The following FAM174B variants were observed in gnomAD, a reference collection of about 807,000 sequenced individuals.
The protein encoded by FAM174B is membrane protein FAM174B.
A neutral mutation model predicts 10.9 loss-of-function variants in FAM174B; 12 were observed. That is an observed-to-expected ratio of 1.10 (90% CI 0.71 to 1.79). The LOEUF (loss-of-function observed/expected upper bound fraction) is 1.79, where lower values mean the gene tolerates loss of function less well. Among genes scored for constraint, FAM174B ranks in the 40% most tolerant of loss-of-function variants. The pLI is 0.00. For missense variants in FAM174B, 266 were observed against 233.3 expected (o/e 1.14, Z -0.91); for synonymous variants, 132 against 115.8 (o/e 1.14, Z -0.90).
At chr15:92,636,929 C>T (rs1272436612) in intron 1 of FAM174B, among the ~76,000 whole-genome samples, 1 of 152,250 alleles carries the variant, frequency 6.6e-6, no homozygotes, top group Non-Finnish European at 1.5e-5. Flanking sequence ...TCATATTCCA[C>T]ACTAATCTGG....
intron 1 of FAM174B, among the ~76,000 whole-genome samples, chr15:92,643,962 G>C (rs1306018036): frequency 6.6e-6 from 1 of 152,182 alleles, no homozygotes; most frequent in Non-Finnish European, 1.5e-5. Context: ...GTAGACAGGA[G>C]GACTAGCAGG....
At chr15:92,655,181 A>G in intron 1 of FAM174B, 135 bp downstream of exon 1, 1 of 1,260,938 alleles carries the variant, frequency 7.9e-7, no homozygotes, top group East Asian at 3.1e-5. Flanking sequence ...TCTCCCGGGC[A>G]GGGCAGGAGG....
At chr15:92,631,776 G>A (rs1377863325) in intron 1 of FAM174B, among the ~76,000 whole-genome samples, 22 of 151,692 alleles carry the variant, frequency 1.5e-4, no homozygotes, top group Admixed American at 9.9e-4. Flanking sequence ...GATCACAGGC[G>A]TTAGCCATTG....
At chr15:92,622,665 G>A (rs1402997450) in intron 2 of FAM174B, among the ~76,000 whole-genome samples, 6 of 152,230 alleles carry the variant, frequency 3.9e-5, no homozygotes, top group South Asian at 2.1e-4. Flanking sequence ...TGGCTTAAAC[G>A]TCCCTTTGCC....
At chr15:92,652,009 G>A (rs182701273) in intron 1 of FAM174B, among the ~76,000 whole-genome samples, 204 of 152,260 alleles carry the variant, frequency 1.3e-3, no homozygotes, top group Non-Finnish European at 2.5e-3. Context: ...TATCTACATT[G>A]TACAAATTCC....
intron 2 of FAM174B, among the ~76,000 whole-genome samples, chr15:92,623,932 T>TTTCC (rs1252444474): frequency 6.6e-6 from 1 of 152,218 alleles, no homozygotes; most frequent in South Asian, 2.1e-4. Context: ...GTTGTTCATC[T>TTTCC]TTCCTTCCTT....
At chr15:92,632,003 C>G (rs367546659) in intron 1 of FAM174B, among the ~76,000 whole-genome samples, 4 of 149,670 alleles carry the variant, frequency 2.7e-5, no homozygotes, top group African/African-American at 1.0e-4. Context: ...AGCTTCCATT[C>G]CCTTACAAAC....
chr15:92,619,575 C>A, intron 2 of FAM174B, 116 bp from the exon 3 acceptor site: 1 of 1,209,202 alleles, frequency 8.3e-7, no homozygotes, highest in Non-Finnish European at 1.2e-6. Context: ...GGCCACAGTC[C>A]CCAGCCACAG....
intron 2 of FAM174B, among the ~76,000 whole-genome samples, chr15:92,629,817 C>T (rs958447707): frequency 4.6e-5 from 7 of 152,078 alleles, no homozygotes; most frequent in Non-Finnish European, 1.0e-4. Context: ...TGGGCCTTCC[C>T]GTGCTGCTCT....
intron 1 of FAM174B, among the ~76,000 whole-genome samples, chr15:92,650,131 A>T (rs1476133472): frequency 6.6e-6 from 1 of 152,242 alleles, no homozygotes; most frequent in Non-Finnish European, 1.5e-5. Context: ...CCTAAATGCT[A>T]AAAGTATTAA....
At chr15:92,641,454 A>G (rs970979969) in intron 1 of FAM174B, among the ~76,000 whole-genome samples, 6 of 152,266 alleles carry the variant, frequency 3.9e-5, no homozygotes, top group Non-Finnish European at 8.8e-5. Flanking sequence ...TGTTACATCC[A>G]TATAATGAAC....
chr15:92,639,463 G>A (rs1377549372), intron 1 of FAM174B, among the ~76,000 whole-genome samples: 1 of 152,212 alleles, frequency 6.6e-6, no homozygotes, highest in East Asian at 1.9e-4. Flanking sequence ...GATGGGAGAA[G>A]CAGCAAGAAT....
intron 2 of FAM174B, among the ~76,000 whole-genome samples, chr15:92,621,996 G>A (rs563937403): frequency 6.6e-6 from 1 of 152,318 alleles, no homozygotes; most frequent in Non-Finnish European, 1.5e-5. Flanking sequence ...AAGAATCGGA[G>A]CTGAGGGCAG....
intron 1 of FAM174B, chr15:92,639,212 T>C (rs563559006): frequency 6.6e-6 from 1 of 152,306 alleles, no homozygotes; most frequent in East Asian, 1.9e-4. Context: ...CAGACACTTC[T>C]CAGGACCCAG....
At chr15:92,646,270 C>T (rs536197080) in intron 1 of FAM174B, among the ~76,000 whole-genome samples, 2 of 152,260 alleles carry the variant, frequency 1.3e-5, no homozygotes, top group African/African-American at 4.8e-5. Context: ...TAAAATCCTC[C>T]ATTTGCTCCT....
chr15:92,627,727 C>T lies in FAM174B; in HGVS notation c.476+2487G>A, dbSNP rs1160697253. Among the ~76,000 whole-genome samples the T allele has an allele frequency of 2.0e-5, 3 of 152,194 alleles. No homozygotes were observed. In the East Asian group the frequency reaches 5.8e-4, roughly 29 times the overall value. ...TCACTGGCTCAGAATCAAAACAGTA[C>T]ATTGATCCACTCGAACCATTAAACG... On this transcript the variant is annotated intron_variant, in intron 2 of 2. Coordinates refer to ENST00000327355, the MANE Select transcript of FAM174B (RefSeq NM_207446.3).
chr15:92,645,611 CTGCTTTGTTTT>C (rs1221643065), intron 1 of FAM174B: 9 of 152,296 alleles, frequency 5.9e-5, no homozygotes, highest in African/African-American at 1.9e-4. Context: ...AGGGTTGGTT[CTGCTTTGTTTT>C]TATATAAGGG....
intron 1 of FAM174B, among the ~76,000 whole-genome samples, chr15:92,650,705 G>A (rs956096500): frequency 6.6e-6 from 1 of 152,212 alleles, no homozygotes; most frequent in Non-Finnish European, 1.5e-5. Flanking sequence ...TGGCTTATGT[G>A]TATTATCCTG....
chr15:92,623,825 G>A (rs1011199055), intron 2 of FAM174B, among the ~76,000 whole-genome samples: 5 of 152,228 alleles, frequency 3.3e-5, no homozygotes, highest in Admixed American at 6.5e-5. Context: ...GGAAGCCCCT[G>A]GCAGTTCTAC....
Sources: allele counts gnomAD v4.1 joint callset (sites outside exome capture counted in the v4.1 genomes callset), GRCh38; gene constraint gnomAD v4.1.1; transcripts MANE v1.5; gene names NCBI Gene and HGNC (gene_info 2026-07-23, HGNC 2026-07-21).